EBF1: variants seen among roughly 807,000 people sequenced by gnomAD.
EBF1 encodes the protein EBF transcription factor 1.
Under a neutral mutation model 68.4 loss-of-function variants are expected in EBF1, and 10 were observed. The observed-to-expected ratio is 0.15, with a 90% CI of 0.09 to 0.25. The LOEUF is 0.25. Among genes scored for constraint, EBF1 ranks in the 10% least tolerant of loss-of-function variants. The pLI, the probability that EBF1 is intolerant of heterozygous loss-of-function variation, is 1.00. For missense variants in EBF1, 509 were observed against 794.4 expected, an observed-to-expected ratio of 0.64 and a Z score of 4.32; for synonymous variants, 298 against 299.8, an observed-to-expected ratio of 0.99 and a Z score of 0.06.
chr5:158,741,429 G>A (rs933147960), intron 10 of EBF1, among the ~76,000 whole-genome samples: 1 of 152,062 alleles, frequency 6.6e-6, no homozygotes, highest in Non-Finnish European at 1.5e-5. Flanking sequence ...TAAAAAATTA[G>A]CCAAGCATGG....
chr5:159,017,345 A>G (rs570032064), intron 6 of EBF1, among the ~76,000 whole-genome samples: 1 of 152,296 alleles, frequency 6.6e-6, no homozygotes, highest in African/African-American at 2.4e-5. Flanking sequence ...TCACAATAAA[A>G]TACCTTCTGG....
chr5:159,033,863 C>A (rs1480047806), intron 6 of EBF1, among the ~76,000 whole-genome samples: 1 of 152,166 alleles, frequency 6.6e-6, no homozygotes, highest in Non-Finnish European at 1.5e-5. Context: ...CTTCATTCTA[C>A]CCAACGACCT....
chr5:158,799,018 A>G (rs1299854597), intron 8 of EBF1, among the ~76,000 whole-genome samples: 1 of 152,166 alleles, frequency 6.6e-6, no homozygotes, highest in Non-Finnish European at 1.5e-5. Flanking sequence ...ATAACATATT[A>G]GTCTTGAGGG....
chr5:158,807,881 T>C (rs1781895563), intron 8 of EBF1, among the ~76,000 whole-genome samples: 1 of 152,204 alleles, frequency 6.6e-6, no homozygotes. Context: ...ATGTTTTGAA[T>C]GTGAGCAGCA....
At chr5:158,862,348 TA>T (rs909497124) in intron 6 of EBF1, among the ~76,000 whole-genome samples, 10 of 151,788 alleles carry the variant, frequency 6.6e-5, no homozygotes, top group South Asian at 2.1e-4. Context: ...CAATGTTTAT[TA>T]AAAAAAACAA....
chr5:158,928,898 AT>A (rs1200613511), intron 6 of EBF1, among the ~76,000 whole-genome samples: 16 of 152,228 alleles, frequency 1.1e-4, no homozygotes, highest in Admixed American at 9.2e-4. Flanking sequence ...ACTCATAAAT[AT>A]TGCTAATATG....
At chr5:158,926,088 T>A (rs1253235920) in intron 6 of EBF1, among the ~76,000 whole-genome samples, 1 of 152,206 alleles carries the variant, frequency 6.6e-6, no homozygotes, top group African/African-American at 2.4e-5. Context: ...TTATTTATAC[T>A]TCCACCATTG....
At chr5:158,734,218 T>G (rs1358994016) in intron 10 of EBF1, among the ~76,000 whole-genome samples, 1 of 152,176 alleles carries the variant, frequency 6.6e-6, no homozygotes, top group African/African-American at 2.4e-5. Flanking sequence ...TTAAAGTGCT[T>G]TTCTTCCTGT....
At chr5:159,038,288 A>C (rs1199776870) in intron 6 of EBF1, among the ~76,000 whole-genome samples, 1 of 152,142 alleles carries the variant, frequency 6.6e-6, no homozygotes. Context: ...TGAGGGGGGA[A>C]ACCCACCCTA....
chr5:159,022,828 A>G lies in EBF1; in HGVS notation c.554+50568T>C, dbSNP rs1160472055. 4.0e-5 allele frequency among the ~76,000 whole-genome samples: 6 copies of G among 150,788 alleles called. No homozygotes were observed. The East Asian group carries it at 5.8e-4, about 15-fold the overall frequency. ...ACAAACGGACAGATGGACAGAGAGGAAAAAAAAGAAAAAATGCAAGAAGAG... is the reference window on the plus strand; with the variant it reads ...ACAAACGGACAGATGGACAGAGAGGGAAAAAAAGAAAAAATGCAAGAAGAG... On this transcript the variant is annotated intron_variant, in intron 6 of 15. Transcript: ENST00000313708.
At chr5:158,726,863 T>C (rs547540712) in intron 11 of EBF1, among the ~76,000 whole-genome samples, 23 of 152,326 alleles carry the variant, frequency 1.5e-4, no homozygotes, top group African/African-American at 5.5e-4. Context: ...AGCTGTGATG[T>C]CGTAGCAAGT....
intron 6 of EBF1, among the ~76,000 whole-genome samples, chr5:158,852,932 A>G (rs1470051413): frequency 1.3e-5 from 2 of 152,184 alleles, no homozygotes; most frequent in African/African-American, 2.4e-5. Flanking sequence ...CTTTCATTTT[A>G]TCACAAAATT....
At chr5:158,801,137 A>G (rs1253652925) in intron 8 of EBF1, among the ~76,000 whole-genome samples, 2 of 151,964 alleles carry the variant, frequency 1.3e-5, no homozygotes, top group Non-Finnish European at 2.9e-5. Flanking sequence ...CCTTCAAACT[A>G]TGACAATAAC....
At chr5:158,895,867 C>G (rs1008022340) in intron 6 of EBF1, among the ~76,000 whole-genome samples, 1 of 152,152 alleles carries the variant, frequency 6.6e-6, no homozygotes, top group African/African-American at 2.4e-5. Context: ...TGAGATCAGC[C>G]AAATCATACT....
At chr5:158,930,830 C>T (rs1161117820) in intron 6 of EBF1, among the ~76,000 whole-genome samples, 1 of 152,110 alleles carries the variant, frequency 6.6e-6, no homozygotes, top group Admixed American at 6.5e-5. Flanking sequence ...TCCAATCTCA[C>T]CAAGTCATAC....
At chr5:159,062,125 C>T (rs1163779827) in intron 6 of EBF1, among the ~76,000 whole-genome samples, 1 of 152,186 alleles carries the variant, frequency 6.6e-6, no homozygotes, top group Non-Finnish European at 1.5e-5. Flanking sequence ...GACTCACGGC[C>T]TCTCAATTAA....
chr5:158,712,922 G>C (rs775783719), intron 13 of EBF1, 48 bp downstream of exon 13: 1 of 1,395,462 alleles, frequency 7.2e-7, no homozygotes, highest in East Asian at 2.6e-5. Flanking sequence ...TAAATGAGGA[G>C]ATGGGGTGCT....
intron 6 of EBF1, among the ~76,000 whole-genome samples, chr5:158,866,548 T>A (rs966534105): frequency 6.6e-5 from 10 of 151,916 alleles, no homozygotes; most frequent in African/African-American, 2.2e-4. Flanking sequence ...GGAGCCAGTG[T>A]CCCGCAATTC....
intron 6 of EBF1, among the ~76,000 whole-genome samples, chr5:158,942,636 T>A (rs1362463219): frequency 6.6e-6 from 1 of 152,072 alleles, no homozygotes; most frequent in East Asian, 1.9e-4. Context: ...GAAATAGGGA[T>A]CCAGTGAAGG....
Sources: gnomAD v4.1 joint callset for allele counts (sites outside exome capture counted in the v4.1 genomes callset) on GRCh38, gnomAD v4.1.1 for gene constraint, MANE v1.5 for transcripts, NCBI Gene and HGNC (gene_info 2026-07-23, HGNC 2026-07-21) for gene names.